The following BPNT1 variants were observed in gnomAD, a reference collection of about 807,000 sequenced individuals.
BPNT1 encodes the protein 3'(2'), 5'-bisphosphate nucleotidase 1.
A neutral mutation model predicts 36.9 loss-of-function variants in BPNT1; 28 were observed. That is an observed-to-expected ratio of 0.76 (90% CI 0.56 to 1.04). The LOEUF (loss-of-function observed/expected upper bound fraction) is 1.04. Ranked by LOEUF, BPNT1 falls within the 50% of genes least tolerant of loss-of-function variation. BPNT1 has a pLI of 0.00. For missense variants in BPNT1, 313 were observed against 372.9 expected (o/e 0.84, Z 1.32); for synonymous variants, 119 against 130.9 (o/e 0.91, Z 0.62).
intron 1 of BPNT1, among the ~76,000 whole-genome samples, chr1:220,080,891 G>A (rs1439108191): frequency 2.6e-5 from 4 of 152,232 alleles, no homozygotes; most frequent in Admixed American, 1.3e-4. Flanking sequence ...CAGTCACTTG[G>A]AAAAGTAAGG....
chr1:220,078,316 T>C (rs1362378599), intron 2 of BPNT1, among the ~76,000 whole-genome samples: 2 of 144,334 alleles, frequency 1.4e-5, no homozygotes, highest in African/African-American at 5.0e-5. Flanking sequence ...ATATATATAA[T>C]ATATATAACA....
chr1:220,089,377 G>GTT (rs1656095771), intron 1 of BPNT1, among the ~76,000 whole-genome samples: 1 of 152,126 alleles, frequency 6.6e-6, no homozygotes, highest in Non-Finnish European at 1.5e-5. Flanking sequence ...ATGGCAGTTG[G>GTT]AAGAATATTT....
At chr1:220,074,517 GAC>G (rs1371048210) in intron 2 of BPNT1, among the ~76,000 whole-genome samples, 7 of 149,832 alleles carry the variant, frequency 4.7e-5, no homozygotes, top group Non-Finnish European at 7.4e-5. Flanking sequence ...TTTTTTTTGA[GAC>G]AGAGTCTTGC....
intron 2 of BPNT1, among the ~76,000 whole-genome samples, chr1:220,077,432 AC>A (rs1664648958): frequency 6.6e-6 from 1 of 151,194 alleles, no homozygotes; most frequent in African/African-American, 2.4e-5. Flanking sequence ...ACAGGGTTTT[AC>A]TCTGTTGCCC....
intron 1 of BPNT1, 83 bp from the exon 2 acceptor site, chr1:220,079,937 T>C: frequency 7.3e-7 from 1 of 1,376,992 alleles, no homozygotes; most frequent in Non-Finnish European, 9.9e-7. Context: ...TCAACACATA[T>C]TAATTGAGTG....
In BPNT1 at chr1:220,067,383, G is replaced by C. The variant is rs548349918; in HGVS notation, c.393C>G (p.Asp131Glu). The C allele has an allele frequency of 6.2e-7, 1 of 1,605,190 alleles. No individual in the cohort carries two copies. The highest frequency in any genetic ancestry group is 1.1e-5 in the South Asian group (1 of 90,004). Residue 131 changes from aspartate to glutamate, a missense_variant, in exon 6 of 9, where the codon GAC becomes GAG. Asp to Glu is a conservative substitution (Grantham distance 45). Coordinates refer to ENST00000322067, the MANE Select transcript of BPNT1 (RefSeq NM_006085.6). ...CAATTCCAATAAGAACTGTTACATT[G>C]TCAAGAAGACCTGCAAAGAAGAAAT... is the stretch of plus-strand genomic sequence containing the variant. ...GTKEYTEGLL[D>E]NVTVLIGIAY... is the part of the protein sequence containing the mutation.
At chr1:220,062,255 C>T (rs1239227651) in intron 7 of BPNT1, among the ~76,000 whole-genome samples, 4 of 150,552 alleles carry the variant, frequency 2.7e-5, no homozygotes, top group African/African-American at 4.9e-5. Flanking sequence ...AACTCGTCAT[C>T]TAGCATTAGG....
chr1:220,073,173 T>G (rs965413734), intron 3 of BPNT1, among the ~76,000 whole-genome samples: 4 of 152,264 alleles, frequency 2.6e-5, no homozygotes, highest in African/African-American at 9.6e-5. Context: ...GTCATTATAC[T>G]GAAGAGAGTT....
intron 8 of BPNT1, 91 bp from the exon 9 acceptor site, chr1:220,059,083 C>T: frequency 1.7e-6 from 2 of 1,193,694 alleles, no homozygotes; most frequent in South Asian, 1.4e-5. Flanking sequence ...GCTTCCTTAT[C>T]CAATAGTAGC....
chr1:220,085,562 C>A (rs1481969727), intron 1 of BPNT1, among the ~76,000 whole-genome samples: 1 of 152,154 alleles, frequency 6.6e-6, no homozygotes, highest in Non-Finnish European at 1.5e-5. Flanking sequence ...AAGGTAAACA[C>A]CAAATAATAC....
chr1:220,084,981 A>G (rs949444658), intron 1 of BPNT1, among the ~76,000 whole-genome samples: 1 of 152,142 alleles, frequency 6.6e-6, no homozygotes, highest in African/African-American at 2.4e-5. Context: ...CTCTGGTCCA[A>G]ACTGAATTAG....
chr1:220,057,795 A>C lies in BPNT1; in HGVS notation c.*1049T>G. The C allele has an allele frequency of 8.9e-7, 1 of 1,126,858 alleles. No individual in the cohort carries two copies. Among genetic ancestry groups the C allele is most frequent in the Non-Finnish European group, 1.2e-6 (1 of 830,272 alleles). 69.8% of individuals were successfully genotyped at this position (1,126,858 alleles called of 1,614,324 possible). A position where few individuals can be genotyped will look rare whatever the true frequency, so the allele number is the denominator to read the frequency against. On this transcript the variant is annotated 3_prime_UTR_variant, in exon 9 of 9. Transcript: ENST00000322067. ...CTGTTTCATAAGCATATATAATAAC[A>C]TCATATATATTCTTAATTGGAGTAG...
At chr1:220,072,764 T>G (rs1664182188) in intron 4 of BPNT1, 86 bp downstream of exon 4, 19 of 1,147,764 alleles carry the variant, frequency 1.7e-5, no homozygotes, top group Non-Finnish European at 2.5e-5. Flanking sequence ...AACTACCAAT[T>G]TTTCATCTTA....
At chr1:220,063,595 T>C (rs543232716) in intron 6 of BPNT1, among the ~76,000 whole-genome samples, 1 of 152,284 alleles carries the variant, frequency 6.6e-6, no homozygotes, top group African/African-American at 2.4e-5. Flanking sequence ...TTTCAGAAGG[T>C]ACTAAGATCC....
chr1:220,066,244 C>G, intron 6 of BPNT1: 2 of 523,744 alleles, frequency 3.8e-6, no homozygotes, highest in Non-Finnish European at 6.3e-6. Flanking sequence ...GAATTAAATG[C>G]CCCTTTTGAA....
At chr1:220,077,127 T>A (rs1346044936) in intron 2 of BPNT1, among the ~76,000 whole-genome samples, 1 of 152,180 alleles carries the variant, frequency 6.6e-6, no homozygotes, top group Non-Finnish European at 1.5e-5. Context: ...CCAACAGTGA[T>A]CCTTTTCCAG....
intron 2 of BPNT1, among the ~76,000 whole-genome samples, chr1:220,075,277 C>T (rs947273242): frequency 3.3e-5 from 5 of 152,160 alleles, no homozygotes; most frequent in Admixed American, 2.0e-4. Flanking sequence ...CTCCTGACCT[C>T]ATGATCCGCC....
At chr1:220,078,899 G>A (rs1036788377) in intron 2 of BPNT1, among the ~76,000 whole-genome samples, 1 of 152,012 alleles carries the variant, frequency 6.6e-6, no homozygotes, top group Non-Finnish European at 1.5e-5. Context: ...CCGGTCAGAA[G>A]ATTGTGCTTT....
In BPNT1 at chr1:220,086,190, C is replaced by G. The variant is rs186938148; in HGVS notation, c.-9+3496G>C. ...AGGAAATAAATTGCAGAAATAGAAC[C>G]GAACACACTAAAGGTAGTGTTTCAA... On this transcript the variant is annotated intron_variant, in intron 1 of 8. Coordinates refer to ENST00000322067, the MANE Select transcript of BPNT1 (RefSeq NM_006085.6). Among the ~76,000 whole-genome samples the G allele has an allele frequency of 2.5e-3, 387 of 152,164 alleles. 2 individuals carry two copies. Among genetic ancestry groups the G allele is most frequent in the Non-Finnish European group, 4.1e-3 (280 of 67,986 alleles).
Sources: allele counts gnomAD v4.1 joint callset (sites outside exome capture counted in the v4.1 genomes callset), GRCh38; gene constraint gnomAD v4.1.1; transcripts MANE v1.5; gene names NCBI Gene and HGNC (gene_info 2026-07-23, HGNC 2026-07-21).